CSMD1: variants seen among roughly 807,000 people sequenced by gnomAD.
The protein encoded by CSMD1 is CUB and Sushi multiple domains 1, also known as CUB and sushi domain-containing protein 1.
In CSMD1, 213 loss-of-function variants were observed where a neutral mutation model predicts 417.5. The observed-to-expected ratio is 0.51, with a 90% CI of 0.46 to 0.57. The LOEUF (loss-of-function observed/expected upper bound fraction) is 0.57, where lower values mean the gene tolerates loss of function less well. CSMD1 is among the 20% of genes least tolerant of loss of function. CSMD1 has a pLI of 0.00. For missense variants in CSMD1, 6,923 were observed against 4,529.7 expected, an observed-to-expected ratio of 1.53 and a Z score of -15.17; for synonymous variants, 2,862 against 1,736.8, an observed-to-expected ratio of 1.65 and a Z score of -16.11.
At chr8:4,524,938 C>T (rs531469233) in intron 2 of CSMD1, among the ~76,000 whole-genome samples, 1 of 152,140 alleles carries the variant, frequency 6.6e-6, no homozygotes, top group Non-Finnish European at 1.5e-5. Flanking sequence ...CAAAGCCACA[C>T]TATCAGAAAA....
At chr8:3,269,459 C>T (rs1231655576) in intron 26 of CSMD1, among the ~76,000 whole-genome samples, 1 of 152,224 alleles carries the variant, frequency 6.6e-6, no homozygotes, top group Non-Finnish European at 1.5e-5. Flanking sequence ...CACCAAAGGC[C>T]TCTCCTGTAA....
chr8:3,512,354 G>C (rs968514872), intron 10 of CSMD1, among the ~76,000 whole-genome samples: 8 of 152,100 alleles, frequency 5.3e-5, no homozygotes. Flanking sequence ...CCCTAATACA[G>C]ACTTCAGCTC....
chr8:3,349,895 AATATATATTT>A (rs1196594107), intron 21 of CSMD1, among the ~76,000 whole-genome samples: 136 of 92,598 alleles, frequency 1.5e-3, no homozygotes, highest in Admixed American at 0.011. Context: ...ATATATTTAT[AATATATATTT>A]ATATATATTT....
chr8:4,036,338 A>ACAAC (rs1563346606), intron 3 of CSMD1, among the ~76,000 whole-genome samples: 2 of 139,930 alleles, frequency 1.4e-5, no homozygotes, highest in African/African-American at 5.3e-5. Flanking sequence ...AAATTTAAAG[A>ACAAC]GGGACCCCTC....
chr8:4,332,957 A>C (rs1275277429), intron 3 of CSMD1, among the ~76,000 whole-genome samples: 12 of 151,702 alleles, frequency 7.9e-5, no homozygotes, highest in African/African-American at 1.5e-4. Flanking sequence ...AAAAAAAAAA[A>C]CTAAGATTTC....
chr8:4,023,407 T>A (rs2688331), intron 4 of CSMD1, among the ~76,000 whole-genome samples: 1 of 151,806 alleles, frequency 6.6e-6, no homozygotes, highest in Non-Finnish European at 1.5e-5. Context: ...GTAATTCCAA[T>A]TTCATTATGA....
chr8:3,785,596 G>A (rs1563077282), intron 5 of CSMD1, among the ~76,000 whole-genome samples: 1 of 152,234 alleles, frequency 6.6e-6, no homozygotes, highest in Non-Finnish European at 1.5e-5. Flanking sequence ...TGGATCATTT[G>A]ATCTCATTTA....
intron 1 of CSMD1, among the ~76,000 whole-genome samples, chr8:4,748,534 G>C (rs752146783): frequency 6.6e-6 from 1 of 152,086 alleles, no homozygotes; most frequent in African/African-American, 2.4e-5. Flanking sequence ...TTCGTGAAAC[G>C]GTATTTATCA....
chr8:4,222,016 C>G (rs767584130), intron 3 of CSMD1, among the ~76,000 whole-genome samples: 2 of 150,186 alleles, frequency 1.3e-5, no homozygotes, highest in Non-Finnish European at 3.0e-5. Flanking sequence ...CCACATAAAC[C>G]TGTACATTTT....
chr8:3,309,871 G>A (rs1805191193), intron 23 of CSMD1, among the ~76,000 whole-genome samples: 1 of 152,164 alleles, frequency 6.6e-6, no homozygotes, highest in Admixed American at 6.5e-5. Context: ...GCTTTGTATA[G>A]GAGAAAGAGG....
At chr8:3,955,643 T>C (rs1174257295) in intron 5 of CSMD1, among the ~76,000 whole-genome samples, 6 of 152,124 alleles carry the variant, frequency 3.9e-5, no homozygotes, top group African/African-American at 1.4e-4. Context: ...ACCTCACTAC[T>C]TCCTCTTTCA....
intron 7 of CSMD1, among the ~76,000 whole-genome samples, chr8:3,656,924 A>G (rs1274057633): frequency 6.2e-5 from 2 of 32,066 alleles, no homozygotes; most frequent in South Asian, 1.3e-3. Flanking sequence ...GACTCTGTCT[A>G]AAAAAAAAAA....
At chr8:3,907,509 T>C (rs1808188845) in intron 5 of CSMD1, among the ~76,000 whole-genome samples, 1 of 152,176 alleles carries the variant, frequency 6.6e-6, no homozygotes, top group Non-Finnish European at 1.5e-5. Context: ...AAGTATCATC[T>C]CACAGAATTG....
chr8:3,946,752 T>G (rs1209952476), intron 5 of CSMD1, among the ~76,000 whole-genome samples: 33 of 152,184 alleles, frequency 2.2e-4, no homozygotes, highest in Admixed American at 1.9e-3. Context: ...CTCAGCTATG[T>G]TTTACAGTTT....
Position 3,096,935 on chromosome 8 carries a change from A to C in CSMD1, c.7052T>G (p.Ile2351Ser). The change falls in exon 47 of 70, where the codon ATT becomes AGT. Residue 2351 changes from isoleucine (I) to serine (S), a missense_variant. Coordinates refer to ENST00000635120, the MANE Select transcript of CSMD1 (RefSeq NM_033225.6). ...YFNSQTCSWS[I>S]KVEPNYNITI... ...AATGTTGTAGTTTGGTTCCACTTTA[A>C]TACTCCAAGAGCAAGTCTGGGAGTT... The C allele has an allele frequency of 6.4e-7, 1 of 1,556,114 alleles. No individual in the cohort carries two copies. The highest frequency in any genetic ancestry group is 8.7e-7 in the Non-Finnish European group (1 of 1,148,684).
At chr8:3,875,418 G>C (rs564757384) in intron 5 of CSMD1, among the ~76,000 whole-genome samples, 2 of 152,296 alleles carry the variant, frequency 1.3e-5, no homozygotes, top group African/African-American at 4.8e-5. Context: ...TGGATTGGAG[G>C]AGTTCCTGCA....
intron 2 of CSMD1, among the ~76,000 whole-genome samples, chr8:4,565,639 G>A (rs937386940): frequency 1.3e-5 from 2 of 151,490 alleles, no homozygotes; most frequent in South Asian, 2.1e-4. Context: ...GGAGGCTGAA[G>A]CAGGAGAACC....
chr8:4,143,680 G>A (rs1273949196), intron 3 of CSMD1, among the ~76,000 whole-genome samples: 1 of 150,854 alleles, frequency 6.6e-6, no homozygotes, highest in Admixed American at 6.6e-5. Context: ...TTGGCATTTA[G>A]AATAATTGGA....
chr8:3,005,328 G>T (rs142773154), intron 52 of CSMD1, among the ~76,000 whole-genome samples: 2 of 152,208 alleles, frequency 1.3e-5, no homozygotes, highest in African/African-American at 4.8e-5. Context: ...TGTGTCTGAT[G>T]AAAGCTTTGT....
Sources: allele counts gnomAD v4.1 joint callset (sites outside exome capture counted in the v4.1 genomes callset), GRCh38; gene constraint gnomAD v4.1.1; transcripts MANE v1.5; gene names NCBI Gene and HGNC (gene_info 2026-07-23, HGNC 2026-07-21).